Variants in CSMD1 observed in about 807,000 individuals in gnomAD.
CSMD1 encodes the protein CUB and Sushi multiple domains 1, also known as CUB and sushi domain-containing protein 1.
A neutral mutation model predicts 417.5 loss-of-function variants in CSMD1; 213 were observed. The observed-to-expected ratio is 0.51, with a 90% CI of 0.46 to 0.57. The LOEUF is 0.57. Ranked by LOEUF, CSMD1 falls within the 20% of genes least tolerant of loss-of-function variation. The probability of loss-of-function intolerance (pLI) is 0.00; values close to 1 mark genes in which losing one functional copy is unlikely to be tolerated. For synonymous variants in CSMD1, 2,862 were observed against 1,736.8 expected, an observed-to-expected ratio of 1.65 and a Z score of -16.11; for missense variants, 6,923 against 4,529.7, an observed-to-expected ratio of 1.53 and a Z score of -15.17.
At chr8:4,790,001 G>A (rs1258255476) in intron 1 of CSMD1, among the ~76,000 whole-genome samples, 2 of 152,102 alleles carry the variant, frequency 1.3e-5, no homozygotes, top group African/African-American at 4.8e-5. Flanking sequence ...ACTCAATGGA[G>A]GCCAAGTTAT....
intron 3 of CSMD1, among the ~76,000 whole-genome samples, chr8:4,163,401 G>T (rs1797278586): frequency 6.6e-6 from 1 of 152,096 alleles, no homozygotes; most frequent in Non-Finnish European, 1.5e-5. Flanking sequence ...AATCTACATT[G>T]TTGGTGTTAT....
chr8:4,082,424 A>G (rs1485650242), intron 3 of CSMD1, among the ~76,000 whole-genome samples: 1 of 152,192 alleles, frequency 6.6e-6, no homozygotes, highest in Admixed American at 6.5e-5. Flanking sequence ...TATTTTAAGA[A>G]ATCTTTTGAA....
At chr8:2,982,897 T>C (rs932575254) in intron 54 of CSMD1, among the ~76,000 whole-genome samples, 1 of 152,120 alleles carries the variant, frequency 6.6e-6, no homozygotes, top group Non-Finnish European at 1.5e-5. Flanking sequence ...TGGTCTCTTA[T>C]AGGCAGCTTG....
At chr8:4,607,233 G>A (rs541874558) in intron 2 of CSMD1, among the ~76,000 whole-genome samples, 1 of 152,084 alleles carries the variant, frequency 6.6e-6, no homozygotes, top group African/African-American at 2.4e-5. Flanking sequence ...AAATAAACAG[G>A]TAATTATAAG....
chr8:4,897,940 A>T (rs528914555), intron 1 of CSMD1, among the ~76,000 whole-genome samples: 1 of 152,252 alleles, frequency 6.6e-6, no homozygotes, highest in Admixed American at 6.5e-5. Context: ...TCTAAACATA[A>T]GTCTAATTTT....
At chr8:3,916,616 G>A (rs1808847759) in intron 5 of CSMD1, among the ~76,000 whole-genome samples, 2 of 152,100 alleles carry the variant, frequency 1.3e-5, no homozygotes, top group Admixed American at 6.6e-5. Context: ...GTAGGCGACT[G>A]CAAATGTACT....
chr8:3,849,961 A>C lies in CSMD1; in HGVS notation c.819-95919T>G, dbSNP rs1217018677. ...TCCCAAGTAGCTGGGAATTACAGGC[A>C]CCCACTACCATGCTCGGCTAATTTG... On this transcript the variant is annotated intron_variant, in intron 5 of 69. Transcript: ENST00000635120. 3.3e-5 allele frequency among the ~76,000 whole-genome samples: 5 copies of C among 151,772 alleles called. No individual in the cohort carries two copies. In the East Asian group the frequency reaches 9.7e-4, roughly 29 times the overall value.
At chr8:3,502,442 C>T (rs117941238) in intron 10 of CSMD1, among the ~76,000 whole-genome samples, 3,261 of 151,218 alleles carry the variant, frequency 0.022, 91 homozygotes, top group East Asian at 0.11. Context: ...TATTCATAAT[C>T]GCCAAAATTA....
At chr8:4,604,073 T>C (rs899489040) in intron 2 of CSMD1, among the ~76,000 whole-genome samples, 1 of 152,068 alleles carries the variant, frequency 6.6e-6, no homozygotes, top group African/African-American at 2.4e-5. Context: ...CTCATCAACT[T>C]AGTTGTTATC....
intron 1 of CSMD1, among the ~76,000 whole-genome samples, chr8:4,928,995 C>T (rs535049188): frequency 9.9e-5 from 15 of 152,076 alleles, no homozygotes; most frequent in East Asian, 3.9e-4. Context: ...CACTTGAACC[C>T]GGGCGGCAGA....
At chr8:4,853,311 G>T (rs1403382311) in intron 1 of CSMD1, among the ~76,000 whole-genome samples, 2 of 152,180 alleles carry the variant, frequency 1.3e-5, no homozygotes, top group African/African-American at 4.8e-5. Context: ...GAGACTCAGG[G>T]CTCTGAAGCC....
intron 5 of CSMD1, among the ~76,000 whole-genome samples, chr8:3,822,332 C>G (rs1398036742): frequency 6.6e-6 from 1 of 152,138 alleles, no homozygotes; most frequent in African/African-American, 2.4e-5. Context: ...TCCCTGAAAT[C>G]TTGACATCAA....
At chr8:3,962,159 A>C (rs1342136581) in intron 5 of CSMD1, among the ~76,000 whole-genome samples, 1 of 152,138 alleles carries the variant, frequency 6.6e-6, no homozygotes, top group Non-Finnish European at 1.5e-5. Context: ...CCTACTTCAT[A>C]GACCTGCTCT....
chr8:3,693,983 T>C (rs1326769558), intron 7 of CSMD1, among the ~76,000 whole-genome samples: 1 of 150,788 alleles, frequency 6.6e-6, no homozygotes, highest in South Asian at 2.1e-4. Context: ...GGTATGTGTG[T>C]TGTTAGTGTG....
chr8:4,572,980 T>C (rs1490508417), intron 2 of CSMD1, among the ~76,000 whole-genome samples: 1 of 152,192 alleles, frequency 6.6e-6, no homozygotes, highest in African/African-American at 2.4e-5. Context: ...GTCATTTATG[T>C]TCTTCTCTAA....
chr8:3,904,943 T>C (rs1453119932), intron 5 of CSMD1, among the ~76,000 whole-genome samples: 1 of 152,068 alleles, frequency 6.6e-6, no homozygotes, highest in Non-Finnish European at 1.5e-5. Flanking sequence ...AGCCCCAAAA[T>C]ACGTATTTTC....
intron 2 of CSMD1, among the ~76,000 whole-genome samples, chr8:4,595,854 A>T (rs1188117042): frequency 6.6e-6 from 1 of 152,156 alleles, no homozygotes; most frequent in African/African-American, 2.4e-5. Flanking sequence ...ACACGTCTAC[A>T]TGGATCTTCC....
chr8:4,805,638 T>C (rs548145173), intron 1 of CSMD1, among the ~76,000 whole-genome samples: 3 of 152,336 alleles, frequency 2.0e-5, no homozygotes, highest in South Asian at 4.1e-4. Context: ...CTAGTGCTTG[T>C]GAACCATCTT....
At chr8:4,718,029 G>C (rs1663853867) in intron 1 of CSMD1, among the ~76,000 whole-genome samples, 2 of 152,096 alleles carry the variant, frequency 1.3e-5, no homozygotes, top group African/African-American at 2.4e-5. Flanking sequence ...CCAGGCTGGA[G>C]GGCAGTGGCA....
Sources: allele counts gnomAD v4.1 joint callset (sites outside exome capture counted in the v4.1 genomes callset), GRCh38; gene constraint gnomAD v4.1.1; transcripts MANE v1.5; gene names NCBI Gene and HGNC (gene_info 2026-07-23, HGNC 2026-07-21).